Variants in TRPC7 observed in about 807,000 individuals in gnomAD.
TRPC7 encodes transient receptor potential cation channel subfamily C member 7.
In TRPC7, 42 loss-of-function variants were observed where a neutral mutation model predicts 90.1. The observed-to-expected ratio is 0.47, with a 90% CI of 0.36 to 0.60. The LOEUF (loss-of-function observed/expected upper bound fraction) is 0.60, where lower values mean the gene tolerates loss of function less well. TRPC7 is among the 20% of genes least tolerant of loss of function. The pLI, the probability that TRPC7 is intolerant of heterozygous loss-of-function variation, is 0.00. For synonymous variants in TRPC7, 451 were observed against 436.3 expected, an observed-to-expected ratio of 1.03 and a Z score of -0.42; for missense variants, 955 against 1,112.3, an observed-to-expected ratio of 0.86 and a Z score of 2.01.
chr5:136,328,417 G>A (rs1174403048), intron 2 of TRPC7, among the ~76,000 whole-genome samples: 1 of 152,148 alleles, frequency 6.6e-6, no homozygotes, highest in South Asian at 2.1e-4. Context: ...CAAAGGGATC[G>A]CTGTGTCCTA....
At chr5:136,332,325 G>A (rs112029400) in intron 2 of TRPC7, among the ~76,000 whole-genome samples, 3 of 152,116 alleles carry the variant, frequency 2.0e-5, no homozygotes, top group African/African-American at 4.8e-5. Flanking sequence ...GCAGGAGCAC[G>A]ATGATCAGAG....
At chr5:136,287,686 T>TAA in intron 3 of TRPC7, among the ~76,000 whole-genome samples, 2 of 40,768 alleles carry the variant, frequency 4.9e-5, no homozygotes, top group African/African-American at 8.2e-5. Flanking sequence ...GAGTGGATGC[T>TAA]CAAAAAAAAA....
At chr5:136,282,418 A>G (rs911010105) in intron 3 of TRPC7, among the ~76,000 whole-genome samples, 1 of 152,158 alleles carries the variant, frequency 6.6e-6, no homozygotes, top group Non-Finnish European at 1.5e-5. Context: ...ACTTCTCAAA[A>G]TCACATTTTG....
At chr5:136,276,597 C>T (rs1353607757) in intron 3 of TRPC7, among the ~76,000 whole-genome samples, 1 of 152,164 alleles carries the variant, frequency 6.6e-6, no homozygotes, top group African/African-American at 2.4e-5. Context: ...TTTCTTTGAC[C>T]CTACAGCCCC....
rs139387988 is a variant in TRPC7, at chr5:136,340,170, C to A, written c.780+16438G>T. ...AGCAAGAAGTTCTTGTTATTTGCCA[C>A]AACATGGATGAACCTAGAAGAATTA... On this transcript the variant is annotated intron_variant, in intron 2 of 11. Transcript: ENST00000513104. Among the ~76,000 whole-genome samples, 343 of 152,226 alleles carry A rather than the reference C, an allele frequency of 2.3e-3. 6 individuals are homozygous for A. Among genetic ancestry groups the A allele is most frequent in the African/African-American group, 7.9e-3 (329 of 41,554 alleles).
chr5:136,240,300 C>T (rs1756119810), intron 7 of TRPC7, among the ~76,000 whole-genome samples: 1 of 152,194 alleles, frequency 6.6e-6, no homozygotes, highest in Non-Finnish European at 1.5e-5. Flanking sequence ...CTCAAGTACC[C>T]TTTGATGATG....
chr5:136,271,206 G>A (rs776013966), intron 4 of TRPC7, among the ~76,000 whole-genome samples: 1 of 152,170 alleles, frequency 6.6e-6, no homozygotes, highest in African/African-American at 2.4e-5. Context: ...CTGATAGATT[G>A]CACACTACAA....
chr5:136,325,298 A>C (rs187886305), intron 2 of TRPC7, among the ~76,000 whole-genome samples: 1 of 152,336 alleles, frequency 6.6e-6, no homozygotes, highest in African/African-American at 2.4e-5. Context: ...AGAGCAGAAC[A>C]GGTATTGTGC....
intron 2 of TRPC7, among the ~76,000 whole-genome samples, chr5:136,355,810 A>G (rs1167945274): frequency 6.6e-6 from 1 of 152,188 alleles, no homozygotes; most frequent in Non-Finnish European, 1.5e-5. Context: ...AAAGGAAAAA[A>G]AAATTGCTCT....
At chr5:136,231,042 A>C (rs1258600533) in intron 8 of TRPC7, among the ~76,000 whole-genome samples, 1 of 152,188 alleles carries the variant, frequency 6.6e-6, no homozygotes, top group African/African-American at 2.4e-5. Flanking sequence ...CTGGGGGCTG[A>C]AAGTCATTCT....
At chr5:136,272,717 C>T (rs1757245284) in intron 4 of TRPC7, among the ~76,000 whole-genome samples, 1 of 152,112 alleles carries the variant, frequency 6.6e-6, no homozygotes, top group African/African-American at 2.4e-5. Context: ...AAATGTCAAT[C>T]ACATGAGTAT....
intron 3 of TRPC7, among the ~76,000 whole-genome samples, chr5:136,313,368 G>A (rs935482974): frequency 3.0e-4 from 42 of 139,126 alleles, no homozygotes; most frequent in Non-Finnish European, 5.3e-4. Flanking sequence ...GAAGCCTCAG[G>A]AGATGTCTGT....
intron 2 of TRPC7, among the ~76,000 whole-genome samples, chr5:136,316,569 CT>C (rs1759033794): frequency 6.6e-6 from 1 of 152,148 alleles, no homozygotes; most frequent in Non-Finnish European, 1.5e-5. Context: ...TAATGAGCTG[CT>C]TCCAGATTTC....
chr5:136,359,103 C>T (rs1760479864), intron 1 of TRPC7, among the ~76,000 whole-genome samples: 1 of 152,120 alleles, frequency 6.6e-6, no homozygotes, highest in African/African-American at 2.4e-5. Flanking sequence ...AAAAGTTATG[C>T]AATTAGCCTT....
chr5:136,359,263 G>A (rs1052776394), intron 1 of TRPC7, among the ~76,000 whole-genome samples: 2 of 152,160 alleles, frequency 1.3e-5, no homozygotes, highest in African/African-American at 4.8e-5. Flanking sequence ...AATCCTGCCT[G>A]GAGCTGAGTC....
Position 136,357,167 on chromosome 5 carries a change from A to G in TRPC7, c.221T>C (p.Val74Ala). Reference protein sequence around the residue: ...EESKTLNFNCVDYMGQNALQL... With the variant: ...EESKTLNFNCADYMGQNALQL... ...CAGAGCGTTCTGCCCCATGTAGTCCACACAGTTGAAGTTAAGGGTCTTGGA... is the reference window on the plus strand; with the variant it reads ...CAGAGCGTTCTGCCCCATGTAGTCCGCACAGTTGAAGTTAAGGGTCTTGGA... Residue 74 changes from valine (V) to alanine (A), a missense_variant, in exon 2 of 12, where the codon GTG becomes GCG. Around this residue, in one of 4 missense-constraint regions of TRPC7, gnomAD observed 161 missense variants for 145.7 expected, o/e 1.10. Transcript: ENST00000513104. The G allele has an allele frequency of 6.2e-7, 1 of 1,613,972 alleles. No homozygotes were observed. The highest frequency in any genetic ancestry group is 8.5e-7 in the Non-Finnish European group (1 of 1,179,956).
At chr5:136,348,358 T>C (rs1760076943) in intron 2 of TRPC7, among the ~76,000 whole-genome samples, 1 of 152,260 alleles carries the variant, frequency 6.6e-6, no homozygotes, top group Non-Finnish European at 1.5e-5. Context: ...TTCACTGGGC[T>C]ATTTCATGTG....
At chr5:136,313,325 T>C (rs1007700243) in intron 3 of TRPC7, among the ~76,000 whole-genome samples, 2 of 152,182 alleles carry the variant, frequency 1.3e-5, no homozygotes, top group African/African-American at 2.4e-5. Context: ...GGGCAGAATC[T>C]TGGAAATGTT....
Position 136,213,431 on chromosome 5 carries a change from G to T in TRPC7, c.*4C>A. On this transcript the variant is annotated 3_prime_UTR_variant, in exon 12 of 12. Coordinates refer to ENST00000513104, the MANE Select transcript of TRPC7 (RefSeq NM_020389.3). Reference sequence around the variant, plus strand: ...GTAGAAGTCACAGACGCCGATGTGGGCTGCTAAATGTCTTTGCCCTTGTTC... The same window carrying T: ...GTAGAAGTCACAGACGCCGATGTGGTCTGCTAAATGTCTTTGCCCTTGTTC... 5.6e-6 allele frequency: 9 copies of T among 1,613,662 alleles called. No individual in the cohort carries two copies. The highest frequency in any genetic ancestry group is 7.6e-6 in the Non-Finnish European group (9 of 1,179,756).
Sources: gnomAD v4.1 joint callset for allele counts (sites outside exome capture counted in the v4.1 genomes callset) on GRCh38, gnomAD v4.1.1 for gene constraint, gnomAD v4.1.1 regional missense constraint, MANE v1.5 for transcripts, NCBI Gene and HGNC (gene_info 2026-07-23, HGNC 2026-07-21) for gene names.